Variants in ZNF606 observed in about 807,000 individuals in gnomAD.
ZNF606 encodes the protein zinc finger protein 606.
ZNF606 carries 37 observed loss-of-function variants against 74.9 expected under a neutral mutation model. The ratio of observed to expected loss-of-function variants is 0.49; its 90% CI spans 0.38 to 0.65. The LOEUF (loss-of-function observed/expected upper bound fraction) is 0.65. Ranked by LOEUF, ZNF606 falls within the 30% of genes least tolerant of loss-of-function variation. The pLI is 0.00. For synonymous variants in ZNF606, 328 were observed against 312.4 expected (o/e 1.05, Z -0.53); for missense variants, 852 against 952.9 (o/e 0.89, Z 1.39).
chr19:58,002,183 C>A (rs915086330), intron 1 of ZNF606: 3 of 456,722 alleles, frequency 6.6e-6, no homozygotes, highest in Non-Finnish European at 1.3e-5. Flanking sequence ...TTTAAGGGAA[C>A]CCGGAGCTGT....
In ZNF606 at chr19:58,002,802, T is replaced by C. The variant is rs933003842; in HGVS notation, c.-458A>G. On this transcript the variant is annotated 5_prime_UTR_variant, in exon 1 of 7. Coordinates refer to ENST00000551380, the MANE Select transcript of ZNF606 (RefSeq NM_001348022.3). ...CACCTCAGCCGCGGACAATGGCGGC[T>C]GCTTCCCCGGCGTCGACCGGAGCGC... 1 of 451,498 alleles carries C rather than the reference T, an allele frequency of 2.2e-6. No homozygotes were observed. The highest frequency in any genetic ancestry group is 1.6e-5 in the South Asian group (1 of 64,258). 28.0% of individuals were successfully genotyped at this position (451,498 alleles called of 1,614,324 possible). A position where few individuals can be genotyped will look rare whatever the true frequency, so the allele number is the denominator to read the frequency against.
chr19:57,978,227 C>A lies in ZNF606; in HGVS notation c.*74G>T. 1 of 1,392,696 alleles carries A rather than the reference C, an allele frequency of 7.2e-7. No homozygotes were observed. The highest frequency in any genetic ancestry group is 9.6e-7 in the Non-Finnish European group (1 of 1,042,600). 86.3% of individuals were successfully genotyped at this position (1,392,696 alleles called of 1,614,324 possible). On this transcript the variant is annotated 3_prime_UTR_variant, in exon 7 of 7. Transcript: ENST00000551380. This position sits in a 1 kb window ranked among gnomAD's most constrained non-coding sequence, Gnocchi z 4.4. Reference sequence around the variant, plus strand: ...TACTGAACTCTTAATGAAAAATGTCCCCTCTTGATTATGTTTATAGGGTTT... The same window carrying A: ...TACTGAACTCTTAATGAAAAATGTCACCTCTTGATTATGTTTATAGGGTTT...
chr19:57,983,495 T>C (rs574012357), intron 6 of ZNF606, among the ~76,000 whole-genome samples: 4 of 151,958 alleles, frequency 2.6e-5, no homozygotes, highest in African/African-American at 9.7e-5. Context: ...GGAGAATTGC[T>C]TGAACCCGGG....
chr19:58,000,623 G>A (rs748483998), intron 3 of ZNF606, 60 bp downstream of exon 3: 7 of 1,561,006 alleles, frequency 4.5e-6, no homozygotes, highest in Admixed American at 1.7e-5. Flanking sequence ...AGCTGTGGCA[G>A]AGCACTACAG....
At position 57,979,071 on chromosome 19, in the gene ZNF606, C is replaced by T. The variant is rs755331415; in HGVS notation, c.1609G>A (p.Glu537Lys). 6.2e-6 allele frequency: 10 copies of T among 1,614,130 alleles called. No individual in the cohort carries two copies. The Admixed American group carries it at 8.3e-5, about 13-fold the overall frequency. The change falls in exon 7 of 7, where the codon GAG becomes AAG. Residue 537 changes from glutamate (E) to lysine (K), a missense_variant. Transcript: ENST00000551380. ...CATTCATCACATTTAAAGGGTTTCT[C>T]TCCAGTATGCATTCTCATATGGGCA... ...LIAHMRMHTGEKPFKCDECEK... is the reference protein window; with the variant it reads ...LIAHMRMHTGKKPFKCDECEK...
chr19:57,988,158 A>G, intron 6 of ZNF606, 49 bp downstream of exon 6: 1 of 1,517,956 alleles, frequency 6.6e-7, no homozygotes. Context: ...TTTCTCAACA[A>G]AGAGGGCTTG....
rs750722060 is a variant in ZNF606, at chr19:58,000,510, C to T, written c.88+173G>A. 2.7e-5 allele frequency: 20 copies of T among 744,740 alleles called. No individual in the cohort carries two copies. In the Middle Eastern group the frequency reaches 8.9e-4, roughly 33 times the overall value. The allele number at this position is 744,740 out of a possible 1,614,324, so 46.1% of individuals were successfully genotyped here. A position where few individuals can be genotyped will look rare whatever the true frequency, so the allele number is the denominator to read the frequency against. On this transcript the variant is annotated intron_variant, in intron 3 of 6. Transcript: ENST00000551380. ...AAAGTGCTGTAGGCGTGAGTCACCA[C>T]GCCTGGCCACTAGTTTTCTGATTCC...
chr19:57,979,954 T>A lies in ZNF606; in HGVS notation c.726A>T (p.Thr242=), dbSNP rs553016740. The change falls in exon 7 of 7, where the codon ACA becomes ACT. Residue 242 remains threonine, a synonymous_variant. Transcript: ENST00000551380. The part of the protein sequence containing the change: ...SQIEHFYKPD[T]HAQSWRCDSA... The stretch of plus-strand genomic sequence containing the variant: ...AGTCACATCTCCAACTTTGAGCATG[T>A]GTATCAGGCTTATAGAAATGTTCTA... 1.2e-6 allele frequency: 2 copies of A among 1,613,852 alleles called. No homozygotes were observed. Among genetic ancestry groups the A allele is most frequent in the Non-Finnish European group, 1.7e-6 (2 of 1,180,034 alleles).
At chr19:58,000,917 C>G (rs1007227228) in intron 2 of ZNF606, among the ~76,000 whole-genome samples, 178 bp from the exon 3 acceptor site, 1 of 152,096 alleles carries the variant, frequency 6.6e-6, no homozygotes, top group Non-Finnish European at 1.5e-5. Flanking sequence ...AGGTGAGTCA[C>G]TATTAATTAA....
At chr19:57,990,280 G>C (rs1451094937) in intron 4 of ZNF606, among the ~76,000 whole-genome samples, 7 of 151,426 alleles carry the variant, frequency 4.6e-5, no homozygotes, top group African/African-American at 1.5e-4. Flanking sequence ...CAGGAGAATG[G>C]CGTGAACCCA....
At position 58,002,732 on chromosome 19, in the gene ZNF606, C is replaced by A. The variant is rs778077765; in HGVS notation, c.-388G>T. 2.0e-5 allele frequency: 9 copies of A among 453,998 alleles called. No individual in the cohort carries two copies. The highest frequency in any genetic ancestry group is 1.8e-4 in the African/African-American group (9 of 49,488). 28.1% of individuals were successfully genotyped at this position (453,998 alleles called of 1,614,324 possible). On this transcript the variant is annotated 5_prime_UTR_variant, in exon 1 of 7. Coordinates refer to ENST00000551380, the MANE Select transcript of ZNF606 (RefSeq NM_001348022.3). The stretch of plus-strand genomic sequence containing the variant: ...TCTCCCAGCCGGCTCTCCTGACCCC[C>A]CAAGCCCCGCAGCTACGGCGGCCCC...
chr19:58,001,836 G>A (rs779125518), intron 1 of ZNF606, among the ~76,000 whole-genome samples: 3 of 152,134 alleles, frequency 2.0e-5, no homozygotes, highest in Non-Finnish European at 4.4e-5. Flanking sequence ...CAATAAAACC[G>A]GTGAATTGCA....
chr19:57,979,103 T>C lies in ZNF606; in HGVS notation c.1577A>G (p.His526Arg). 3 of 1,614,156 alleles carry C rather than the reference T, an allele frequency of 1.9e-6. No individual in the cohort carries two copies. The highest frequency in any genetic ancestry group is 2.2e-5 in the East Asian group (1 of 44,868). ...ECGKSFSWSS[H>R]LIAHMRMHTG... Reference sequence around the variant, plus strand: ...ATGCATTCTCATATGGGCAATAAGATGGGAGCTCCAGCTGAATGATTTCCC... The same window carrying C: ...ATGCATTCTCATATGGGCAATAAGACGGGAGCTCCAGCTGAATGATTTCCC... The change falls in exon 7 of 7, where the codon CAT becomes CGT. Residue 526 changes from histidine to arginine, a missense_variant. Physicochemically the swap from His to Arg is conservative, Grantham distance 29. Coordinates refer to ENST00000551380, the MANE Select transcript of ZNF606 (RefSeq NM_001348022.3).
At chr19:58,001,254 A>C in intron 2 of ZNF606, 35 bp downstream of exon 2, 1 of 1,613,498 alleles carries the variant, frequency 6.2e-7, no homozygotes, top group South Asian at 1.1e-5. Flanking sequence ...AGCTAATGAT[A>C]GGGGAGGCCC....
Position 58,001,290 on chromosome 19 carries a change from C to G in ZNF606, c.30G>C (p.Trp10Cys). 2 of 1,614,110 alleles carry G rather than the reference C, an allele frequency of 1.2e-6. No individual in the cohort carries two copies. Among genetic ancestry groups the G allele is most frequent in the Non-Finnish European group, 1.7e-6 (2 of 1,180,012 alleles). ...AGGAGAAACACAACTTGGACTCACC[C>G]CAGGAGGCCCACGGGTTGATGGCTG... MAAINPWAS[W>C]GALTDQSWGM... Residue 10 changes from tryptophan to cysteine, a missense_variant and splice_region_variant, in exon 2 of 7, where the codon TGG (tryptophan) becomes TGC (cysteine). Physicochemically the swap from Trp to Cys is radical, Grantham distance 215. Coordinates refer to ENST00000551380, the MANE Select transcript of ZNF606 (RefSeq NM_001348022.3).
chr19:57,988,762 C>A (rs1319975209), intron 4 of ZNF606, 41 bp from the exon 5 acceptor site: 1 of 1,612,782 alleles, frequency 6.2e-7, no homozygotes, highest in Non-Finnish European at 8.5e-7. Context: ...TGTGACCACC[C>A]CCTCCAATAT....
rs535025617 is a variant in ZNF606, at chr19:58,000,260, C to T, written c.89-364G>A. 10 of 422,166 alleles carry T rather than the reference C, an allele frequency of 2.4e-5. No individual in the cohort carries two copies. The South Asian group carries it at 3.0e-4, about 13-fold the overall frequency. The allele number at this position is 422,166 out of a possible 1,614,324, so 26.2% of individuals were successfully genotyped here. A position where few individuals can be genotyped will look rare whatever the true frequency, so the allele number is the denominator to read the frequency against. The stretch of plus-strand genomic sequence containing the variant: ...TTTTTGAGACTGAGTCTCGCTCTGT[C>T]GCCCAGGCTGGAGTGCAGTGGCACG... On this transcript the variant is annotated intron_variant, in intron 3 of 6. Coordinates refer to ENST00000551380, the MANE Select transcript of ZNF606 (RefSeq NM_001348022.3).
chr19:58,003,332 A>C (rs2073474292), upstream of ZNF606: 1 of 456,304 alleles, frequency 2.2e-6, no homozygotes, highest in Non-Finnish European at 4.4e-6. Flanking sequence ...CCAGCGACGC[A>C]CCCTGTGAGT....
upstream of ZNF606, chr19:58,003,316 G>A (rs563549414): frequency 2.2e-6 from 1 of 456,644 alleles, no homozygotes. Flanking sequence ...ATGGGAGCAT[G>A]GGTTACCAGC....
Sources: allele counts gnomAD v4.1 joint callset (sites outside exome capture counted in the v4.1 genomes callset), GRCh38; gene constraint gnomAD v4.1.1; non-coding constraint Gnocchi (gnomAD v3.1); transcripts MANE v1.5; gene names NCBI Gene and HGNC (gene_info 2026-07-23, HGNC 2026-07-21).